MOB1A: variants seen among roughly 807,000 people sequenced by gnomAD.
MOB1A encodes MOB kinase activator 1A.
A neutral mutation model predicts 25.1 loss-of-function variants in MOB1A; 10 were observed. The ratio of observed to expected loss-of-function variants is 0.40; its 90% CI spans 0.25 to 0.68. The LOEUF (loss-of-function observed/expected upper bound fraction) is 0.68. Ranked by LOEUF, MOB1A falls within the 30% of genes least tolerant of loss-of-function variation. MOB1A has a pLI of 0.40. For missense variants in MOB1A, 177 were observed against 256.3 expected (o/e 0.69, Z 2.11); for synonymous variants, 81 against 79.5 (o/e 1.02, Z -0.10).
chr2:74,163,396 G>T (rs911562960), intron 4 of MOB1A, among the ~76,000 whole-genome samples: 5 of 152,172 alleles, frequency 3.3e-5, no homozygotes. Flanking sequence ...AACACTTTTG[G>T]AAGGCCAAGG....
At chr2:74,173,090 C>G (rs564337438) in intron 1 of MOB1A, 4 of 461,450 alleles carry the variant, frequency 8.7e-6, no homozygotes, top group South Asian at 6.3e-5. Context: ...AAGCTGAAAT[C>G]GCATCACTGC....
chr2:74,163,702 G>A (rs765790405), intron 4 of MOB1A, among the ~76,000 whole-genome samples: 4 of 151,760 alleles, frequency 2.6e-5, no homozygotes, highest in Non-Finnish European at 5.9e-5. Context: ...ATAACCAGCT[G>A]GAAACCAGAT....
Position 74,178,846 on chromosome 2 carries a change from C to A in MOB1A, c.-172G>T. On this transcript the variant is annotated 5_prime_UTR_variant, in exon 1 of 6. In the 5' UTR this introduces an upstream ATG that the reference lacks. Coordinates refer to ENST00000396049, the MANE Select transcript of MOB1A (RefSeq NM_018221.5). The stretch of plus-strand genomic sequence containing the variant: ...AGCCTTTGCAAACCTCGGCGCCCGC[C>A]TTGCCCGCCTACCCCACCTCGCAGA... 1 of 402,078 alleles carries A rather than the reference C, an allele frequency of 2.5e-6. No individual in the cohort carries two copies. Among genetic ancestry groups the A allele is most frequent in the Non-Finnish European group, 4.3e-6 (1 of 231,842 alleles). The allele number at this position is 402,078 out of a possible 1,614,324, so 24.9% of individuals were successfully genotyped here.
chr2:74,159,461 A>AT (rs1158058908), intron 4 of MOB1A, among the ~76,000 whole-genome samples: 1 of 151,914 alleles, frequency 6.6e-6, no homozygotes, highest in African/African-American at 2.4e-5. Context: ...AATTTTTTGT[A>AT]TTTTTTGTAG....
chr2:74,173,726 G>C (rs1286645436), intron 1 of MOB1A, among the ~76,000 whole-genome samples: 60 of 150,734 alleles, frequency 4.0e-4, no homozygotes, highest in African/African-American at 1.4e-3. Flanking sequence ...CGAGACGGGT[G>C]GATCACGAGG....
chr2:74,164,114 T>C (rs1332219507), intron 4 of MOB1A: 1 of 152,188 alleles, frequency 6.6e-6, no homozygotes, highest in South Asian at 2.1e-4. Flanking sequence ...GGCAATTTGT[T>C]GTGCACATAA....
Position 74,156,490 on chromosome 2 carries a change from CT to C in MOB1A, c.*77del, listed in dbSNP as rs2103684697. 1 of 1,032,882 alleles carries C rather than the reference CT, an allele frequency of 9.7e-7. No homozygotes were observed. Among genetic ancestry groups the C allele is most frequent in the East Asian group, 2.6e-5 (1 of 38,380 alleles). The allele number at this position is 1,032,882 out of a possible 1,614,324, so 64.0% of individuals were successfully genotyped here. ...TCCTGTTTTCTTAAAGTTTGTATCA[CT>C]AGTCTATAACAGATAGCAATGAGAT... On this transcript the variant is annotated 3_prime_UTR_variant, in exon 6 of 6. Transcript: ENST00000396049.
At chr2:74,178,600 G>T in intron 1 of MOB1A, 61 bp downstream of exon 1, 3 of 1,293,314 alleles carry the variant, frequency 2.3e-6, no homozygotes, top group Non-Finnish European at 2.0e-6. Flanking sequence ...CTCAGGTCCG[G>T]GGAGGCCTCC....
chr2:74,154,192 CAAAA>C lies in MOB1A; in HGVS notation c.*2372_*2375del, dbSNP rs58662857. 7.9e-5 allele frequency: 6 copies of C among 76,304 alleles called. No homozygotes were observed. Among genetic ancestry groups the C allele is most frequent in the Non-Finnish European group, 8.9e-5 (3 of 33,530 alleles). The allele number at this position is 76,304 out of a possible 1,614,324, so 4.7% of individuals were successfully genotyped here. On this transcript the variant is annotated 3_prime_UTR_variant, in exon 6 of 6. Transcript: ENST00000396049. ...TGGGTGACAGAGTGAGACTCTGTCTCAAAAAAAAAAAAAAAAAAGATTGATTTCG... is the reference window on the plus strand; with the variant it reads ...TGGGTGACAGAGTGAGACTCTGTCTCAAAAAAAAAAAAAAGATTGATTTCG...
chr2:74,175,371 C>G (rs1446996670), intron 1 of MOB1A, among the ~76,000 whole-genome samples: 5 of 152,238 alleles, frequency 3.3e-5, no homozygotes, highest in East Asian at 3.9e-4. Flanking sequence ...TTGAATCATC[C>G]AGAAACCATC....
chr2:74,162,371 A>T (rs1368072326), intron 4 of MOB1A, among the ~76,000 whole-genome samples: 1 of 152,106 alleles, frequency 6.6e-6, no homozygotes, highest in Non-Finnish European at 1.5e-5. Context: ...AGTCCCAGCT[A>T]CTTGGAGGCT....
At chr2:74,165,442 A>G in intron 3 of MOB1A, 91 bp from the exon 4 acceptor site, 1 of 728,566 alleles carries the variant, frequency 1.4e-6, no homozygotes, top group Non-Finnish European at 2.0e-6. Context: ...ACATTTTGTC[A>G]ATAGAAGTTA....
intron 5 of MOB1A, among the ~76,000 whole-genome samples, chr2:74,158,195 G>GA (rs1692856228): frequency 1.1e-5 from 1 of 87,390 alleles, no homozygotes; most frequent in Admixed American, 1.2e-4. Context: ...AAAAAAAAAA[G>GA]AGGGGGGAAA....
intron 4 of MOB1A, among the ~76,000 whole-genome samples, chr2:74,162,870 CAA>C (rs553459645): frequency 1.1e-3 from 164 of 152,206 alleles, no homozygotes; most frequent in Non-Finnish European, 2.1e-3. Flanking sequence ...AAAATATTAA[CAA>C]ATACTCTTCC....
intron 2 of MOB1A, among the ~76,000 whole-genome samples, chr2:74,167,659 T>G (rs1236997208): frequency 6.6e-6 from 1 of 152,056 alleles, no homozygotes; most frequent in Non-Finnish European, 1.5e-5. Context: ...AGACAAAACA[T>G]GTTGTGGAAT....
chr2:74,173,481 A>G (rs1246500303), intron 1 of MOB1A, among the ~76,000 whole-genome samples: 4 of 149,616 alleles, frequency 2.7e-5, no homozygotes, highest in Non-Finnish European at 5.9e-5. Flanking sequence ...CCTGGGTTCA[A>G]GCGATTCTCC....
At position 74,178,853 on chromosome 2, in the gene MOB1A, G is replaced by GC. The variant is rs1693559073; in HGVS notation, c.-180dup. 1 of 393,734 alleles carries GC rather than the reference G, an allele frequency of 2.5e-6. No individual in the cohort carries two copies. Among genetic ancestry groups the GC allele is most frequent in the African/African-American group, 2.1e-5 (1 of 48,286 alleles). 24.4% of individuals were successfully genotyped at this position (393,734 alleles called of 1,614,324 possible). A position where few individuals can be genotyped will look rare whatever the true frequency, so the allele number is the denominator to read the frequency against. ...GCAAACCTCGGCGCCCGCCTTGCCC[G>GC]CCTACCCCACCTCGCAGACCCGAAA... On this transcript the variant is annotated 5_prime_UTR_variant, in exon 1 of 6. Coordinates refer to ENST00000396049, the MANE Select transcript of MOB1A (RefSeq NM_018221.5).
chr2:74,175,164 T>G (rs553858237), intron 1 of MOB1A, among the ~76,000 whole-genome samples: 3 of 152,214 alleles, frequency 2.0e-5, no homozygotes, highest in Admixed American at 6.6e-5. Flanking sequence ...GAACTGTGCA[T>G]GCAAGGGATC....
At chr2:74,157,521 G>A (rs74672855) in intron 5 of MOB1A, among the ~76,000 whole-genome samples, 2,679 of 152,256 alleles carry the variant, frequency 0.018, 73 homozygotes, top group African/African-American at 0.062. Flanking sequence ...CAGAGGTATA[G>A]GTGACAATGT....
Sources: gnomAD v4.1 joint callset for allele counts (sites outside exome capture counted in the v4.1 genomes callset) on GRCh38, gnomAD v4.1.1 for gene constraint, MANE v1.5 for transcripts, NCBI Gene and HGNC (gene_info 2026-07-23, HGNC 2026-07-21) for gene names.